Variants in PTPRN2 observed in about 807,000 individuals in gnomAD.
PTPRN2 encodes protein tyrosine phosphatase receptor type N2.
A neutral mutation model predicts 118.8 loss-of-function variants in PTPRN2; 74 were observed. That is an observed-to-expected ratio of 0.62 (90% CI 0.52 to 0.76). PTPRN2 has a LOEUF of 0.76. PTPRN2 is among the 30% of genes least tolerant of loss of function. The pLI, the probability that PTPRN2 is intolerant of heterozygous loss-of-function variation, is 0.00. For missense variants in PTPRN2, 1,481 were observed against 1,394.4 expected (o/e 1.06, Z -0.99); for synonymous variants, 641 against 608.0 (o/e 1.05, Z -0.80).
chr7:157,672,313 C>T (rs1454444839), intron 13 of PTPRN2, among the ~76,000 whole-genome samples: 3 of 152,116 alleles, frequency 2.0e-5, no homozygotes, highest in Non-Finnish European at 4.4e-5. Flanking sequence ...TTCAGCTTCA[C>T]GTTTGGGGCT....
intron 2 of PTPRN2, among the ~76,000 whole-genome samples, chr7:158,372,940 A>G (rs1810198708): frequency 6.6e-6 from 1 of 152,164 alleles, no homozygotes; most frequent in African/African-American, 2.4e-5. Context: ...GCTTCCGGGC[A>G]TCCCTCCTGC....
chr7:158,118,314 G>T (rs894223686), intron 9 of PTPRN2, among the ~76,000 whole-genome samples: 2 of 152,114 alleles, frequency 1.3e-5, no homozygotes, highest in African/African-American at 4.8e-5. Context: ...TTGAAGTCAA[G>T]CTAGTATAAA....
At chr7:157,612,128 T>C (rs1330064377) in intron 15 of PTPRN2, among the ~76,000 whole-genome samples, 1 of 152,194 alleles carries the variant, frequency 6.6e-6, no homozygotes, top group Non-Finnish European at 1.5e-5. Flanking sequence ...TCCCATGCCC[T>C]GAGCAGCACC....
chr7:158,446,073 AC>A (rs917774786), intron 2 of PTPRN2, among the ~76,000 whole-genome samples: 40 of 152,086 alleles, frequency 2.6e-4, no homozygotes, highest in African/African-American at 9.6e-4. Context: ...GGGCAGGTAA[AC>A]CCTGGTGCCC....
At chr7:157,660,456 G>A (rs1795831640) in intron 13 of PTPRN2, among the ~76,000 whole-genome samples, 1 of 152,094 alleles carries the variant, frequency 6.6e-6, no homozygotes, top group Non-Finnish European at 1.5e-5. Context: ...TTCTCCCAAA[G>A]TCACCAATAG....
At chr7:158,505,132 C>T (rs988122538) in intron 1 of PTPRN2, among the ~76,000 whole-genome samples, 52 of 152,308 alleles carry the variant, frequency 3.4e-4, no homozygotes, top group South Asian at 8.3e-4. Flanking sequence ...ATCATCGCAT[C>T]ATAAATCACT....
At position 157,986,873 on chromosome 7, in the gene PTPRN2, G is replaced by A. The variant is rs990239938; in HGVS notation, c.1724-88136C>T. 2.0e-5 allele frequency among the ~76,000 whole-genome samples: 3 copies of A among 152,026 alleles called. No homozygotes were observed. The highest frequency in any genetic ancestry group is 4.4e-5 in the Non-Finnish European group (3 of 68,008). The stretch of plus-strand genomic sequence containing the variant: ...CTGACCCACTCCACCCCTCCTCCAG[G>A]ACCCTCCAGAGTGAATCTGGAGCGA... On this transcript the variant is annotated intron_variant, in intron 11 of 22. Coordinates refer to ENST00000389418, the MANE Select transcript of PTPRN2 (RefSeq NM_002847.5). This position sits in a 1 kb window ranked among gnomAD's most constrained non-coding sequence, Gnocchi z 4.5.
chr7:158,149,441 T>TAA (rs112794279), intron 6 of PTPRN2, among the ~76,000 whole-genome samples: 12,428 of 143,182 alleles, frequency 0.087, 537 homozygotes, highest in Non-Finnish European at 0.095. Context: ...TCTCAAGAGG[T>TAA]AAAAAAAAAA....
chr7:158,008,051 A>C (rs544987377), intron 11 of PTPRN2, among the ~76,000 whole-genome samples: 1 of 96,172 alleles, frequency 1.0e-5, no homozygotes, highest in Non-Finnish European at 2.1e-5. Context: ...GTGTGTGTGG[A>C]GGTGTGCTGT....
intron 10 of PTPRN2, among the ~76,000 whole-genome samples, chr7:158,085,294 G>C (rs553566698): frequency 2.9e-5 from 3 of 102,082 alleles, no homozygotes; most frequent in Admixed American, 1.1e-4. Context: ...CCACACCCAC[G>C]ACGCCCATCC....
At chr7:158,052,513 C>T (rs572387373) in intron 11 of PTPRN2, among the ~76,000 whole-genome samples, 6 of 152,322 alleles carry the variant, frequency 3.9e-5, no homozygotes, top group East Asian at 3.9e-4. Context: ...CCTGAGTCTC[C>T]GCCGCATGGA....
At chr7:158,473,445 G>A (rs536997734) in intron 2 of PTPRN2, among the ~76,000 whole-genome samples, 351 of 152,266 alleles carry the variant, frequency 2.3e-3, no homozygotes, top group African/African-American at 7.3e-3. Flanking sequence ...GCCTCTGCAC[G>A]GCCTCTGCTG....
intron 9 of PTPRN2, among the ~76,000 whole-genome samples, chr7:158,124,971 G>T (rs1334320721): frequency 6.6e-6 from 1 of 152,244 alleles, no homozygotes; most frequent in East Asian, 1.9e-4. Context: ...GAGGCAAGAG[G>T]CTCAGATGGC....
intron 1 of PTPRN2, among the ~76,000 whole-genome samples, chr7:158,503,293 T>C (rs997471680): frequency 3.3e-5 from 5 of 152,280 alleles, no homozygotes; most frequent in African/African-American, 1.2e-4. Flanking sequence ...TTGACTCAGA[T>C]ACCCAGTCTA....
chr7:158,097,003 T>TCATCGAGGC (rs1227661364), intron 10 of PTPRN2, among the ~76,000 whole-genome samples: 4 of 152,060 alleles, frequency 2.6e-5, no homozygotes, highest in African/African-American at 9.7e-5. Flanking sequence ...GGCTTTATAG[T>TCATCGAGGC]CATCGAGGCC....
At chr7:158,238,957 C>T (rs1033268327) in intron 3 of PTPRN2, among the ~76,000 whole-genome samples, 7 of 152,314 alleles carry the variant, frequency 4.6e-5, no homozygotes, top group African/African-American at 7.2e-5. Context: ...CTAAGCCACG[C>T]GGCTCCCCAG....
intron 9 of PTPRN2, among the ~76,000 whole-genome samples, chr7:158,131,715 TACAC>T (rs55993903): frequency 0.65 from 95,269 of 146,296 alleles, 31,031 homozygotes; most frequent in African/African-American, 0.75. Context: ...TATGCACAGA[TACAC>T]ACACATCTAC....
intron 10 of PTPRN2, among the ~76,000 whole-genome samples, chr7:158,083,617 C>T (rs550410366): frequency 2.0e-5 from 3 of 152,210 alleles, no homozygotes; most frequent in East Asian, 1.9e-4. Flanking sequence ...ACGTGGGGGC[C>T]GCAGGAGAGG....
At chr7:157,811,509 G>C (rs760615913) in intron 12 of PTPRN2, among the ~76,000 whole-genome samples, 5 of 151,970 alleles carry the variant, frequency 3.3e-5, no homozygotes, top group Non-Finnish European at 7.4e-5. Flanking sequence ...AAGGGCAGGA[G>C]ATAGCCCAGG....
Sources: allele counts gnomAD v4.1 joint callset (sites outside exome capture counted in the v4.1 genomes callset), GRCh38; gene constraint gnomAD v4.1.1; non-coding constraint Gnocchi (gnomAD v3.1); transcripts MANE v1.5; gene names NCBI Gene and HGNC (gene_info 2026-07-23, HGNC 2026-07-21).